STC1: variants seen among roughly 807,000 people sequenced by gnomAD.
STC1 encodes stanniocalcin 1.
STC1 carries 7 observed loss-of-function variants against 22.6 expected under a neutral mutation model. The ratio of observed to expected loss-of-function variants is 0.31; its 90% CI spans 0.18 to 0.58. STC1 has a LOEUF of 0.58. STC1 is among the 20% of genes least tolerant of loss of function. The pLI is 0.89. For missense variants in STC1, 224 were observed against 311.0 expected, an observed-to-expected ratio of 0.72 and a Z score of 2.10; for synonymous variants, 113 against 120.7, an observed-to-expected ratio of 0.94 and a Z score of 0.42.
Position 23,852,502 on chromosome 8 carries a change from C to A in STC1, c.119-118G>T, listed in dbSNP as rs888797691. The A allele has an allele frequency of 5.2e-6, 6 of 1,150,900 alleles. No homozygotes were observed. In the African/African-American group the frequency reaches 9.4e-5, roughly 18 times the overall value. 71.3% of individuals were successfully genotyped at this position (1,150,900 alleles called of 1,614,324 possible). ...GGTCAGAAGAACTTATCCTAGGAAT[C>A]TGTCATGAGGGGCAATTGATAGACC... On this transcript the variant is annotated intron_variant, in intron 1 of 3. Transcript: ENST00000290271.
At chr8:23,849,587 G>C (rs1053677464) in intron 3 of STC1, among the ~76,000 whole-genome samples, 1 of 152,098 alleles carries the variant, frequency 6.6e-6, no homozygotes, top group Non-Finnish European at 1.5e-5. Flanking sequence ...ACCTCTAGTC[G>C]AGTAGCTATA....
intron 3 of STC1, 99 bp downstream of exon 3, chr8:23,851,221 C>T: frequency 8.8e-7 from 1 of 1,139,538 alleles, no homozygotes; most frequent in Non-Finnish European, 1.3e-6. Flanking sequence ...AAAATAAGAG[C>T]ATGACTGTGG....
At chr8:23,850,488 C>A (rs930401704) in intron 3 of STC1, among the ~76,000 whole-genome samples, 5 of 152,180 alleles carry the variant, frequency 3.3e-5, no homozygotes, top group Non-Finnish European at 7.3e-5. Flanking sequence ...CCATTGGCAT[C>A]TCTTAGTTCT....
chr8:23,852,625 C>T (rs1289284378), intron 1 of STC1, among the ~76,000 whole-genome samples: 1 of 152,164 alleles, frequency 6.6e-6, no homozygotes, highest in Non-Finnish European at 1.5e-5. Flanking sequence ...CAGACACACG[C>T]TCCCTGTTTC....
At position 23,842,347 on chromosome 8, in the gene STC1, G is replaced by A. The variant is rs1017389302; in HGVS notation, c.*2423C>T. ...GGGGAATTGGAGGGAGTAGGGTGGG[G>A]GAAAGAGAAGCAAAAAACTAGCAAC... On this transcript the variant is annotated 3_prime_UTR_variant, in exon 4 of 4. Transcript: ENST00000290271. 1 of 151,918 alleles carries A rather than the reference G, an allele frequency of 6.6e-6. No homozygotes were observed. Among genetic ancestry groups the A allele is most frequent in the Non-Finnish European group, 1.5e-5 (1 of 67,952 alleles). 9.4% of individuals were successfully genotyped at this position (151,918 alleles called of 1,614,324 possible).
At chr8:23,850,904 C>A (rs781715735) in intron 3 of STC1, among the ~76,000 whole-genome samples, 1 of 145,208 alleles carries the variant, frequency 6.9e-6, no homozygotes, top group Non-Finnish European at 1.5e-5. Flanking sequence ...TGACATTTAA[C>A]CAGAGGGCTT....
At chr8:23,851,290 T>C (rs1483142045) in intron 3 of STC1, 30 bp downstream of exon 3, 2 of 1,612,378 alleles carry the variant, frequency 1.2e-6, no homozygotes, top group Admixed American at 1.7e-5. Context: ...CCCAGTCCCC[T>C]GATTGTGAAA....
rs1213791954 is a variant in STC1, at chr8:23,843,559, A to C, written c.*1211T>G. On this transcript the variant is annotated 3_prime_UTR_variant, in exon 4 of 4. Transcript: ENST00000290271. ...TTTGCCAGAGTACCAGGCACCGATG[A>C]AAGGGGACGAGTAAAGAACTGCCAC... 6.6e-6 allele frequency: 1 copy of C among 152,646 alleles called. No homozygotes were observed. The highest frequency in any genetic ancestry group is 1.5e-5 in the Non-Finnish European group (1 of 68,066). 9.5% of individuals were successfully genotyped at this position (152,646 alleles called of 1,614,324 possible).
rs1242340186 is a variant in STC1 at position 23,844,830 on chromosome 8, G to T, written c.684C>A (p.Asn228Lys). Residue 228 changes from asparagine (N) to lysine (K), a missense_variant, in exon 4 of 4, where the codon AAC becomes AAA. Physicochemically the swap from Asn to Lys is moderately conservative, Grantham distance 94. Coordinates refer to ENST00000290271, the MANE Select transcript of STC1 (RefSeq NM_003155.3). ...EPQKLKVLLR[N>K]LRGEEDSPSH... ...AGGGAGAGTCCTCCTCACCTCGGAG[G>T]TTCCTGAGGAGGACTTTCAGCTTCT... The T allele has an allele frequency of 1.1e-5, 17 of 1,613,938 alleles. No individual in the cohort carries two copies. The highest frequency in any genetic ancestry group is 1.4e-5 in the Non-Finnish European group (17 of 1,180,012).
Position 23,842,887 on chromosome 8 carries a change from CT to C in STC1, c.*1882del, listed in dbSNP as rs1802530293. 1 of 155,184 alleles carries C rather than the reference CT, an allele frequency of 6.4e-6. No homozygotes were observed. The highest frequency in any genetic ancestry group is 2.0e-4 in the South Asian group (1 of 4,882). 9.6% of individuals were successfully genotyped at this position (155,184 alleles called of 1,614,324 possible). Reference sequence around the variant, plus strand: ...GCTGCTGCTGCTGCTGCTGGGTCTGCTGCAATTGCTCTTGGTCCTTGAGCAG... The same window carrying C: ...GCTGCTGCTGCTGCTGCTGGGTCTGCGCAATTGCTCTTGGTCCTTGAGCAG... On this transcript the variant is annotated 3_prime_UTR_variant, in exon 4 of 4. Transcript: ENST00000290271.
At chr8:23,852,491 A>G (rs1802650004) in intron 1 of STC1, 107 bp from the exon 2 acceptor site, 1 of 1,246,902 alleles carries the variant, frequency 8.0e-7, no homozygotes, top group Admixed American at 2.4e-5. Flanking sequence ...AGAAGAACTT[A>G]TCCTAGGAAT....
chr8:23,854,366 G>A, intron 1 of STC1, 40 bp downstream of exon 1: 1 of 1,556,156 alleles, frequency 6.4e-7, no homozygotes, highest in Non-Finnish European at 8.9e-7. Flanking sequence ...AATGAGGACA[G>A]CTCTTTGGGG....
rs987793601 is a variant in STC1 at position 23,842,701 on chromosome 8, G to T, written c.*2069C>A. On this transcript the variant is annotated 3_prime_UTR_variant, in exon 4 of 4. Transcript: ENST00000290271. ...GGGAAGTGTGGGAGGGAGGGGAAGA[G>T]TCTAACTTAGAATATGGTCTACCTG... is the stretch of plus-strand genomic sequence containing the variant. The T allele has an allele frequency of 1.3e-5, 2 of 152,498 alleles. No individual in the cohort carries two copies. Among genetic ancestry groups the T allele is most frequent in the African/African-American group, 4.8e-5 (2 of 41,396 alleles). 9.4% of individuals were successfully genotyped at this position (152,498 alleles called of 1,614,324 possible). A position where few individuals can be genotyped will look rare whatever the true frequency, so the allele number is the denominator to read the frequency against.
chr8:23,849,427 T>A (rs1302081042), intron 3 of STC1, among the ~76,000 whole-genome samples: 1 of 152,158 alleles, frequency 6.6e-6, no homozygotes, highest in Non-Finnish European at 1.5e-5. Flanking sequence ...TTTCTCCAAT[T>A]GACCTTTCCT....
rs373914103 is a variant in STC1 at position 23,844,961 on chromosome 8, T to G, written c.553A>C (p.Lys185Gln). 1.2e-6 allele frequency: 2 copies of G among 1,614,078 alleles called. No homozygotes were observed. Among genetic ancestry groups the G allele is most frequent in the Admixed American group, 1.7e-5 (1 of 60,008 alleles). The part of the protein sequence containing the change: ...VSTIRDSLME[K>Q]IGPNMASLFH... ...AGGCTGGCCATGTTAGGCCCAATTT[T>G]CTCCATCAGGCTGTCTCTGATTGTG... The change falls in exon 4 of 4, where the codon AAA becomes CAA. Residue 185 changes from lysine (K) to glutamine (Q), a missense_variant. Lys to Gln is a moderately conservative substitution (Grantham distance 53). Coordinates refer to ENST00000290271, the MANE Select transcript of STC1 (RefSeq NM_003155.3).
At chr8:23,853,059 GAA>G (rs1316767171) in intron 1 of STC1, among the ~76,000 whole-genome samples, 1 of 152,030 alleles carries the variant, frequency 6.6e-6, no homozygotes, top group South Asian at 2.1e-4. Context: ...AAGAAAGAAA[GAA>G]AGAAGAAACA....
chr8:23,852,295 T>C lies in STC1; in HGVS notation c.208A>G (p.Met70Val). 6.2e-7 allele frequency: 1 copy of C among 1,614,084 alleles called. No individual in the cohort carries two copies. The change falls in exon 2 of 4, where the codon ATG becomes GTG. Residue 70 changes from methionine to valine, a missense_variant. By Grantham distance (21) the Met-to-Val change is conservative. Transcript: ENST00000290271. ...AAGAAGGATTTACAGATGTCATACA[T>C]CCCATCTGTGTCACAGGTGGAGTTT... Reference protein sequence around the residue: ...LENSTCDTDGMYDICKSFLYS... With the variant: ...LENSTCDTDGVYDICKSFLYS...
At chr8:23,850,306 T>A (rs1802622620) in intron 3 of STC1, among the ~76,000 whole-genome samples, 1 of 152,054 alleles carries the variant, frequency 6.6e-6, no homozygotes, top group Non-Finnish European at 1.5e-5. Context: ...AACTCTCAGG[T>A]GGTCAGAGTA....
In STC1 at chr8:23,843,051, C is replaced by T. The variant is rs1479427813; in HGVS notation, c.*1719G>A. On this transcript the variant is annotated 3_prime_UTR_variant, in exon 4 of 4. Transcript: ENST00000290271. ...TGAGTTTAGCCTAGTGAGAGTCAAG[C>T]ACCAATAGTTTCTACCTAAGCGAGT... is the stretch of plus-strand genomic sequence containing the variant. The T allele has an allele frequency of 6.6e-6, 1 of 152,634 alleles. No individual in the cohort carries two copies. The highest frequency in any genetic ancestry group is 1.9e-4 in the East Asian group (1 of 5,184). The allele number at this position is 152,634 out of a possible 1,614,324, so 9.5% of individuals were successfully genotyped here.
Sources: gnomAD v4.1 joint callset for allele counts (sites outside exome capture counted in the v4.1 genomes callset) on GRCh38, gnomAD v4.1.1 for gene constraint, MANE v1.5 for transcripts, NCBI Gene and HGNC (gene_info 2026-07-23, HGNC 2026-07-21) for gene names.